The following ANKRD45 variants were observed in gnomAD, a reference collection of about 807,000 sequenced individuals.
ANKRD45 encodes the protein ankyrin repeat domain-containing protein 45.
In ANKRD45, 21 loss-of-function variants were observed where a neutral mutation model predicts 28.1. The ratio of observed to expected loss-of-function variants is 0.75; its 90% CI spans 0.53 to 1.08. ANKRD45 has a LOEUF of 1.08. ANKRD45 is among the 50% of genes least tolerant of loss of function. The pLI is 0.00. For synonymous variants in ANKRD45, 86 were observed against 103.9 expected (o/e 0.83, Z 1.05); for missense variants, 261 against 308.7 (o/e 0.85, Z 1.16).
upstream of ANKRD45, among the ~76,000 whole-genome samples, chr1:173,672,711 G>T (rs1670295870): frequency 6.6e-6 from 1 of 152,184 alleles, no homozygotes; most frequent in African/African-American, 2.4e-5. Context: ...GGCAGACCAG[G>T]TTAGAAACAG....
intron 5 of ANKRD45, among the ~76,000 whole-genome samples, chr1:173,614,984 T>A (rs1558116190): frequency 6.6e-6 from 1 of 151,968 alleles, no homozygotes; most frequent in Non-Finnish European, 1.5e-5. Context: ...ATCTGGCTAA[T>A]TTTTTTGTAT....
At chr1:173,682,683 A>G in the ANKRD45 span, among the ~76,000 whole-genome samples, 678 of 107,540 alleles carry the variant, frequency 6.3e-3, 5 homozygotes, top group East Asian at 0.069. Context: ...GGCCTTTTAA[A>G]TACACACACA....
the ANKRD45 span, among the ~76,000 whole-genome samples, chr1:173,693,605 T>C: frequency 2.0e-5 from 3 of 152,196 alleles, no homozygotes; most frequent in African/African-American, 7.2e-5. Flanking sequence ...CTTTCTTCTA[T>C]CTAAAGGATG....
At chr1:173,638,353 C>T (rs550872938) in intron 3 of ANKRD45, among the ~76,000 whole-genome samples, 4 of 152,200 alleles carry the variant, frequency 2.6e-5, no homozygotes, top group South Asian at 2.1e-4. Flanking sequence ...GGCGAGACAT[C>T]CCTAGCACAA....
rs1667032583 is a variant in ANKRD45 at position 173,608,903 on chromosome 1, G to C, written c.*1242C>G. Among the ~76,000 whole-genome samples the C allele has an allele frequency of 1.1e-5, 1 of 88,228 alleles. No homozygotes were observed. Among genetic ancestry groups the C allele is most frequent in the African/African-American group, 6.1e-5 (1 of 16,362 alleles). 57.9% of individuals were successfully genotyped at this position (88,228 alleles called of 152,430 possible). A position where few individuals can be genotyped will look rare whatever the true frequency, so the allele number is the denominator to read the frequency against. On this transcript the variant is annotated 3_prime_UTR_variant, in exon 6 of 6. Coordinates refer to ENST00000333279, the MANE Select transcript of ANKRD45 (RefSeq NM_198493.3). Reference sequence around the variant, plus strand: ...AGGAAGGGAGGGGAGGGGAGAGGAAGGGAGAGGAAGGGAGGGGAAGGGAGG... The same window carrying C: ...AGGAAGGGAGGGGAGGGGAGAGGAACGGAGAGGAAGGGAGGGGAAGGGAGG...
At chr1:173,707,303 T>A in the ANKRD45 span, among the ~76,000 whole-genome samples, 2 of 152,044 alleles carry the variant, frequency 1.3e-5, no homozygotes, top group African/African-American at 2.4e-5. Context: ...TCTTTTTGCT[T>A]CTAGATTTTG....
At chr1:173,619,590 G>T (rs1468947245) in intron 5 of ANKRD45, among the ~76,000 whole-genome samples, 1 of 152,168 alleles carries the variant, frequency 6.6e-6, no homozygotes, top group Non-Finnish European at 1.5e-5. Context: ...TACTTTGAGA[G>T]GCCAACATGG....
chr1:173,609,107 T>G lies in ANKRD45; in HGVS notation c.*1038A>C, dbSNP rs925710296. On this transcript the variant is annotated 3_prime_UTR_variant, in exon 6 of 6. Coordinates refer to ENST00000333279, the MANE Select transcript of ANKRD45 (RefSeq NM_198493.3). ...GGCTGAAAGTTATTGCAGTGTTCTTTTGCTTTAAAAAATTGAAACTGAATT... is the reference window on the plus strand; with the variant it reads ...GGCTGAAAGTTATTGCAGTGTTCTTGTGCTTTAAAAAATTGAAACTGAATT... Among the ~76,000 whole-genome samples the G allele has an allele frequency of 6.6e-6, 1 of 152,142 alleles. No individual in the cohort carries two copies. Among genetic ancestry groups the G allele is most frequent in the African/African-American group, 2.4e-5 (1 of 41,440 alleles).
chr1:173,650,243 T>TAA (rs1669120747), intron 2 of ANKRD45, among the ~76,000 whole-genome samples: 1 of 152,208 alleles, frequency 6.6e-6, no homozygotes, highest in Admixed American at 6.5e-5. Context: ...CTCCTAATGC[T>TAA]ATCTCTCCAC....
chr1:173,642,337 A>C (rs917283704), intron 3 of ANKRD45, among the ~76,000 whole-genome samples: 13 of 152,210 alleles, frequency 8.5e-5, no homozygotes, highest in African/African-American at 2.7e-4. Flanking sequence ...GTTAATTCCT[A>C]ACTTTTCTTC....
chr1:173,695,717 C>T, the ANKRD45 span, among the ~76,000 whole-genome samples: 1 of 151,878 alleles, frequency 6.6e-6, no homozygotes, highest in African/African-American at 2.4e-5. Context: ...GGGTATATAC[C>T]CAGTAGTAGG....
At chr1:173,670,627 C>A (rs73033131), upstream of ANKRD45, among the ~76,000 whole-genome samples, 23,249 of 152,188 alleles carry the variant, frequency 0.15, 5,920 homozygotes, top group African/African-American at 0.53. Flanking sequence ...CAAAATTTCA[C>A]CATTGTTACA....
chr1:173,665,624 T>C (rs1436257009), intron 1 of ANKRD45, among the ~76,000 whole-genome samples: 1 of 152,208 alleles, frequency 6.6e-6, no homozygotes, highest in Admixed American at 6.5e-5. Flanking sequence ...TCAAATTCTT[T>C]GATCTCAGGG....
At chr1:173,677,980 A>G in the ANKRD45 span, among the ~76,000 whole-genome samples, 1 of 152,210 alleles carries the variant, frequency 6.6e-6, no homozygotes, top group Non-Finnish European at 1.5e-5. Context: ...ACCAGGCCAC[A>G]ACAAACAGAA....
At chr1:173,682,682 A>AGTACACACAC in the ANKRD45 span, among the ~76,000 whole-genome samples, 4 of 95,304 alleles carry the variant, frequency 4.2e-5, no homozygotes, top group East Asian at 2.9e-4. Context: ...AGGCCTTTTA[A>AGTACACACAC]ATACACACAC....
At chr1:173,708,487 C>T in the ANKRD45 span, among the ~76,000 whole-genome samples, 1 of 152,366 alleles carries the variant, frequency 6.6e-6, no homozygotes, top group East Asian at 1.9e-4. Flanking sequence ...ATTGACAATG[C>T]TGGTGCCTTG....
chr1:173,641,090 C>T (rs1288620867), intron 3 of ANKRD45, among the ~76,000 whole-genome samples: 3 of 152,198 alleles, frequency 2.0e-5, no homozygotes, highest in African/African-American at 7.2e-5. Flanking sequence ...TTAAATCCCA[C>T]ACCAGTTGCT....
chr1:173,614,628 C>T (rs1447437563), intron 5 of ANKRD45, among the ~76,000 whole-genome samples: 1 of 152,052 alleles, frequency 6.6e-6, no homozygotes, highest in Non-Finnish European at 1.5e-5. Context: ...CTTTTGCAGT[C>T]ATTTACAGAT....
At chr1:173,675,959 A>T in the ANKRD45 span, among the ~76,000 whole-genome samples, 1 of 152,206 alleles carries the variant, frequency 6.6e-6, no homozygotes, top group Non-Finnish European at 1.5e-5. Flanking sequence ...TCAAATACCT[A>T]TGAGTTGTGA....
Sources: allele counts gnomAD v4.1 joint callset (sites outside exome capture counted in the v4.1 genomes callset), GRCh38; gene constraint gnomAD v4.1.1; transcripts MANE v1.5; gene names NCBI Gene and HGNC (gene_info 2026-07-23, HGNC 2026-07-21).